INPP4B: variants seen among roughly 807,000 people sequenced by gnomAD.
INPP4B encodes inositol polyphosphate-4-phosphatase type II B.
A neutral mutation model predicts 122.5 loss-of-function variants in INPP4B; 55 were observed. That is an observed-to-expected ratio of 0.45 (90% CI 0.36 to 0.56). The LOEUF is 0.56. INPP4B is among the 20% of genes least tolerant of loss of function. The pLI, the probability that INPP4B is intolerant of heterozygous loss-of-function variation, is 0.00. For synonymous variants in INPP4B, 403 were observed against 388.7 expected (o/e 1.04, Z -0.43); for missense variants, 1,000 against 1,097.7 (o/e 0.91, Z 1.26).
intron 25 of INPP4B, among the ~76,000 whole-genome samples, chr4:142,069,746 A>C (rs1000425622): frequency 1.3e-5 from 2 of 152,208 alleles, no homozygotes; most frequent in African/African-American, 4.8e-5. Context: ...GAAATGGATA[A>C]ATTCCTGGAC....
chr4:142,528,761 C>T (rs1211769626), intron 2 of INPP4B, among the ~76,000 whole-genome samples: 1 of 152,022 alleles, frequency 6.6e-6, no homozygotes, highest in East Asian at 1.9e-4. Flanking sequence ...ACTAGCTGCT[C>T]TTCTTATTTA....
At chr4:142,552,198 G>T (rs916665903) in intron 2 of INPP4B, among the ~76,000 whole-genome samples, 17 of 152,114 alleles carry the variant, frequency 1.1e-4, no homozygotes, top group African/African-American at 3.9e-4. Flanking sequence ...TACTAAATGA[G>T]CTCTCAAAAG....
At chr4:142,463,293 T>A (rs140839773) in intron 2 of INPP4B, among the ~76,000 whole-genome samples, 106 of 152,268 alleles carry the variant, frequency 7.0e-4, no homozygotes, top group African/African-American at 2.5e-3. Flanking sequence ...TGGGAAGGGG[T>A]TCTGGTGTCT....
At chr4:142,294,046 G>A (rs1245536136) in intron 9 of INPP4B, among the ~76,000 whole-genome samples, 1 of 152,194 alleles carries the variant, frequency 6.6e-6, no homozygotes, top group Non-Finnish European at 1.5e-5. Flanking sequence ...CAGAAGGGTA[G>A]GAGGAAGAGG....
chr4:142,541,945 G>C (rs186303119), intron 2 of INPP4B, among the ~76,000 whole-genome samples: 1 of 152,222 alleles, frequency 6.6e-6, no homozygotes, highest in African/African-American at 2.4e-5. Flanking sequence ...GCTTCTCCCG[G>C]CAAAACTCTC....
chr4:142,032,388 C>A (rs1460061424), intron 25 of INPP4B, among the ~76,000 whole-genome samples: 1 of 152,034 alleles, frequency 6.6e-6, no homozygotes, highest in African/African-American at 2.4e-5. Flanking sequence ...CAAATAGAGA[C>A]AAGGACACTA....
At chr4:142,138,997 C>T (rs1178106133) in intron 18 of INPP4B, among the ~76,000 whole-genome samples, 1 of 152,120 alleles carries the variant, frequency 6.6e-6, no homozygotes, top group Non-Finnish European at 1.5e-5. Flanking sequence ...GCTAATGCCT[C>T]CCAAATGTTT....
intron 2 of INPP4B, among the ~76,000 whole-genome samples, chr4:142,628,557 TAAAAAAAAAA>T (rs35955830): frequency 1.0e-5 from 1 of 99,924 alleles, no homozygotes; most frequent in Non-Finnish European, 2.0e-5. Context: ...AAACTTAAAG[TAAAAAAAAAA>T]AAAAAAAAAA....
intron 15 of INPP4B, 80 bp from the exon 16 acceptor site, chr4:142,173,889 A>T: frequency 9.2e-7 from 1 of 1,088,140 alleles, no homozygotes; most frequent in Non-Finnish European, 1.4e-6. Flanking sequence ...GCAAATGATA[A>T]ACAGAACTCC....
At chr4:142,744,283 C>G (rs1226394751) in intron 1 of INPP4B, among the ~76,000 whole-genome samples, 2 of 151,618 alleles carry the variant, frequency 1.3e-5, no homozygotes. Context: ...GATAAAGGCA[C>G]AATTTATTTT....
intron 23 of INPP4B, among the ~76,000 whole-genome samples, chr4:142,094,585 T>TGACAGCC (rs1781037398): frequency 6.6e-6 from 1 of 152,088 alleles, no homozygotes; most frequent in Non-Finnish European, 1.5e-5. Flanking sequence ...TACACCAAGG[T>TGACAGCC]CAGATGACAG....
intron 14 of INPP4B, among the ~76,000 whole-genome samples, chr4:142,193,746 A>G (rs1305824575): frequency 6.6e-6 from 1 of 152,200 alleles, no homozygotes; most frequent in African/African-American, 2.4e-5. Flanking sequence ...CAATTTCCTT[A>G]GGTGACATAG....
rs116528382 is a variant in INPP4B at position 142,568,645 on chromosome 4, C to T, written c.-190-105919G>A. Among the ~76,000 whole-genome samples, 888 of 152,074 alleles carry T rather than the reference C, an allele frequency of 5.8e-3. 15 individuals carry two copies. Among genetic ancestry groups the T allele is most frequent in the African/African-American group, 0.021 (851 of 41,494 alleles). The stretch of plus-strand genomic sequence containing the variant: ...CAAGTCTCAAAATAAGGTCTCTTTG[C>T]CATCACTGATATATTGAGAGCAGAA... On this transcript the variant is annotated intron_variant, in intron 2 of 25. Coordinates refer to ENST00000262992, the MANE Select transcript of INPP4B (RefSeq NM_001101669.3).
At chr4:142,584,573 G>T (rs1735765477) in intron 2 of INPP4B, among the ~76,000 whole-genome samples, 1 of 152,062 alleles carries the variant, frequency 6.6e-6, no homozygotes, top group Non-Finnish European at 1.5e-5. Context: ...ATTAAACCAG[G>T]ATTTGGGGAG....
At chr4:142,098,212 G>C (rs908007463) in intron 23 of INPP4B, among the ~76,000 whole-genome samples, 1 of 152,130 alleles carries the variant, frequency 6.6e-6, no homozygotes, top group Non-Finnish European at 1.5e-5. Context: ...ATGGGGGGCA[G>C]AAGTCAGTGT....
rs546411691 is a variant in INPP4B, at chr4:142,831,895, G to A, written c.-254+14314C>T. ...CCTATATATATTGTTCTTACAGTAT[G>A]TATAAATTCCCATGGTATCTGCACT... On this transcript the variant is annotated intron_variant, in intron 1 of 25. Coordinates refer to ENST00000262992, the MANE Select transcript of INPP4B (RefSeq NM_001101669.3). 2.0e-5 allele frequency among the ~76,000 whole-genome samples: 3 copies of A among 152,270 alleles called. No individual in the cohort carries two copies. In the South Asian group the frequency reaches 6.2e-4, roughly 32 times the overall value.
At chr4:142,117,634 A>C (rs889680587) in intron 21 of INPP4B, among the ~76,000 whole-genome samples, 2 of 152,198 alleles carry the variant, frequency 1.3e-5, no homozygotes, top group African/African-American at 4.8e-5. Flanking sequence ...AAAAACTCTC[A>C]ATAAATTAGG....
intron 2 of INPP4B, among the ~76,000 whole-genome samples, chr4:142,492,238 T>C (rs902596483): frequency 3.9e-5 from 6 of 152,074 alleles, no homozygotes; most frequent in African/African-American, 1.4e-4. Flanking sequence ...CCTCTTTCCT[T>C]TATAAACTAC....
chr4:142,460,157 A>G (rs1048636037), intron 3 of INPP4B, among the ~76,000 whole-genome samples: 1 of 152,146 alleles, frequency 6.6e-6, no homozygotes, highest in Admixed American at 6.5e-5. Context: ...ACAATGTTGA[A>G]AAAACAGGAT....
Sources: allele counts gnomAD v4.1 joint callset (sites outside exome capture counted in the v4.1 genomes callset), GRCh38; gene constraint gnomAD v4.1.1; transcripts MANE v1.5; gene names NCBI Gene and HGNC (gene_info 2026-07-23, HGNC 2026-07-21).